Variants in NFASC observed in about 807,000 individuals in gnomAD.
The protein encoded by NFASC is neurofascin homolog.
A neutral mutation model predicts 147.5 loss-of-function variants in NFASC; 43 were observed. The observed-to-expected ratio is 0.29, with a 90% CI of 0.23 to 0.38. The LOEUF (loss-of-function observed/expected upper bound fraction) is 0.38. Ranked by LOEUF, NFASC falls within the 10% of genes least tolerant of loss-of-function variation. The pLI, the probability that NFASC is intolerant of heterozygous loss-of-function variation, is 1.00. For missense variants in NFASC, 1,320 were observed against 1,689.0 expected, an observed-to-expected ratio of 0.78 and a Z score of 3.83; for synonymous variants, 622 against 665.5, an observed-to-expected ratio of 0.93 and a Z score of 1.01.
At chr1:204,841,494 G>A (rs1384250827) in intron 1 of NFASC, among the ~76,000 whole-genome samples, 1 of 152,180 alleles carries the variant, frequency 6.6e-6, no homozygotes, top group African/African-American at 2.4e-5. Context: ...CAGCATGGGA[G>A]CTTTGTGAGT....
intron 1 of NFASC, chr1:204,870,940 C>T (rs1005993281): frequency 1.6e-6 from 2 of 1,245,696 alleles, no homozygotes; most frequent in African/African-American, 1.6e-5. Context: ...TGGGATTTTG[C>T]TCAGGCCTAA....
intron 14 of NFASC, 101 bp downstream of exon 14, chr1:204,974,924 G>A (rs2150352719): frequency 1.6e-6 from 2 of 1,272,256 alleles, no homozygotes; most frequent in East Asian, 2.4e-5. Flanking sequence ...CACCACACCT[G>A]TCTTTAACCT....
rs573187043 is a variant in NFASC at position 204,997,356 on chromosome 1, C to G, written c.2969C>G (p.Thr990Ser). Residue 990 changes from threonine to serine, a missense_variant, in exon 25 of 30, where the codon ACC (threonine) becomes AGC (serine). By Grantham distance (58) the Thr-to-Ser change is moderately conservative. This residue lies in a region of NFASC where 172 missense variants were observed against 165.8 expected (regional missense o/e 1.04). Coordinates refer to ENST00000339876, the MANE Select transcript of NFASC (RefSeq NM_001005388.3). ...ACAACCACTGCTGCCGCCACCACCA[C>G]CACGGAGAGTCCTCCCACCACCACC... ...TTTTTAAATT[T>S]TESPPTTTSG... The G allele has an allele frequency of 5.8e-6, 9 of 1,556,740 alleles. No homozygotes were observed. In the African/African-American group the frequency reaches 1.2e-4, roughly 21 times the overall value.
At chr1:204,972,358 A>G (rs779045763) in intron 11 of NFASC, among the ~76,000 whole-genome samples, 2 of 152,194 alleles carry the variant, frequency 1.3e-5, no homozygotes, top group Non-Finnish European at 2.9e-5. Flanking sequence ...ATTTCTAGAA[A>G]ATTTTTGTTT....
At chr1:204,883,813 G>A (rs12022286) in intron 1 of NFASC, among the ~76,000 whole-genome samples, 5,044 of 152,280 alleles carry the variant, frequency 0.033, 290 homozygotes, top group East Asian at 0.21. Flanking sequence ...GCCACTGGAA[G>A]GCCCTTTACA....
At chr1:205,000,790 G>T in intron 25 of NFASC, 1 of 269,852 alleles carries the variant, frequency 3.7e-6, no homozygotes, top group Non-Finnish European at 7.2e-6. Flanking sequence ...TCGCACCACT[G>T]TACTCCAGCT....
chr1:204,953,920 C>T (rs1043087512), intron 5 of NFASC, among the ~76,000 whole-genome samples: 2 of 152,102 alleles, frequency 1.3e-5, no homozygotes, highest in East Asian at 1.9e-4. Context: ...CTTAGAGCCA[C>T]GAGTCCCAGT....
At chr1:204,977,052 A>C in intron 16 of NFASC, 1 of 1,254,434 alleles carries the variant, frequency 8.0e-7, no homozygotes, top group Admixed American at 4.1e-5. Context: ...AGTGATATAG[A>C]GAAAGTGGAG....
At chr1:204,925,489 T>C (rs770355068) in intron 2 of NFASC, among the ~76,000 whole-genome samples, 1 of 152,198 alleles carries the variant, frequency 6.6e-6, no homozygotes, top group Non-Finnish European at 1.5e-5. Flanking sequence ...TCCCAGCTAG[T>C]GGTTTGTCAT....
At chr1:204,867,742 G>A (rs2077231617) in intron 1 of NFASC, among the ~76,000 whole-genome samples, 1 of 152,096 alleles carries the variant, frequency 6.6e-6, no homozygotes, top group South Asian at 2.1e-4. Context: ...CGCACTCATG[G>A]TCACACGCTC....
intron 24 of NFASC, among the ~76,000 whole-genome samples, chr1:204,993,206 C>A (rs1379223051): frequency 6.6e-6 from 1 of 152,220 alleles, no homozygotes. Flanking sequence ...TCATCTCTCA[C>A]CCAGTGAAGA....
At chr1:204,909,140 T>C (rs2086727508) in intron 1 of NFASC, among the ~76,000 whole-genome samples, 1 of 152,240 alleles carries the variant, frequency 6.6e-6, no homozygotes, top group African/African-American at 2.4e-5. Flanking sequence ...GTTACATGTT[T>C]AGTTATTTAA....
rs2096358459 is a variant in NFASC at position 205,016,190 on chromosome 1, G to T, written c.3492-118G>T. 2 of 730,548 alleles carry T rather than the reference G, an allele frequency of 2.7e-6. No homozygotes were observed. Among genetic ancestry groups the T allele is most frequent in the Admixed American group, 2.0e-5 (1 of 51,144 alleles). 45.3% of individuals were successfully genotyped at this position (730,548 alleles called of 1,614,324 possible). A position where few individuals can be genotyped will look rare whatever the true frequency, so the allele number is the denominator to read the frequency against. On this transcript the variant is annotated intron_variant, in intron 29 of 29. Coordinates refer to ENST00000339876, the MANE Select transcript of NFASC (RefSeq NM_001005388.3). This position sits in a 1 kb window ranked among gnomAD's most constrained non-coding sequence, Gnocchi z 5.1. ...GCTGGACAGGGGAGGGTGAAGCGGGGGCTGGACTGGGCGGTCTCCTGGATC... is the reference window on the plus strand; with the variant it reads ...GCTGGACAGGGGAGGGTGAAGCGGGTGCTGGACTGGGCGGTCTCCTGGATC...
In NFASC at chr1:204,841,004, G is replaced by C. The variant is rs188459305; in HGVS notation, c.-200+12222G>C. On this transcript the variant is annotated intron_variant, in intron 1 of 29. Coordinates refer to ENST00000339876, the MANE Select transcript of NFASC (RefSeq NM_001005388.3). ...GCTAGTGTTTTACAGATAAATGATT[G>C]TATAAGAATTCATTTCCAAAGTGGC... Among the ~76,000 whole-genome samples, 15 of 152,330 alleles carry C rather than the reference G, an allele frequency of 9.8e-5. No homozygotes were observed. In the East Asian group the frequency reaches 2.9e-3, roughly 29 times the overall value.
chr1:204,884,135 G>A (rs143236587), intron 1 of NFASC, among the ~76,000 whole-genome samples: 309 of 152,278 alleles, frequency 2.0e-3, no homozygotes, highest in African/African-American at 7.0e-3. Context: ...TAGCTATAAT[G>A]TGGCTCTCTC....
intron 21 of NFASC, among the ~76,000 whole-genome samples, chr1:204,985,516 G>A (rs1292094690): frequency 2.6e-5 from 4 of 152,208 alleles, no homozygotes; most frequent in Non-Finnish European, 5.9e-5. Flanking sequence ...TTTGAGCACA[G>A]AGTGGAGCTT....
chr1:204,861,974 G>C (rs1314475423), intron 1 of NFASC, among the ~76,000 whole-genome samples: 5 of 152,172 alleles, frequency 3.3e-5, no homozygotes. Context: ...ACAATGGGGT[G>C]ATTTCTAATT....
chr1:204,967,030 C>T (rs55914401), intron 8 of NFASC, among the ~76,000 whole-genome samples: 3,851 of 152,202 alleles, frequency 0.025, 105 homozygotes, highest in African/African-American at 0.069. Context: ...TCTCCTCACG[C>T]TACCAGCACC....
At chr1:204,988,913 A>C in intron 23 of NFASC, 107 bp downstream of exon 23, 1 of 1,079,498 alleles carries the variant, frequency 9.3e-7, no homozygotes, top group Non-Finnish European at 1.4e-6. Flanking sequence ...AGGAAATGAG[A>C]CTTGCAAGTC....
Sources: gnomAD v4.1 joint callset for allele counts (sites outside exome capture counted in the v4.1 genomes callset) on GRCh38, gnomAD v4.1.1 for gene constraint, gnomAD v4.1.1 regional missense constraint, Gnocchi (gnomAD v3.1) non-coding constraint, MANE v1.5 for transcripts, NCBI Gene and HGNC (gene_info 2026-07-23, HGNC 2026-07-21) for gene names.